The following WWTR1 variants were observed in gnomAD, a reference collection of about 807,000 sequenced individuals.
WWTR1 encodes WW domain containing transcription regulator 1, also known as WW domain-containing transcription regulator protein 1.
WWTR1 carries 13 observed loss-of-function variants against 40.1 expected under a neutral mutation model. The ratio of observed to expected loss-of-function variants is 0.32; its 90% CI spans 0.21 to 0.52. WWTR1 has a LOEUF of 0.52. Ranked by LOEUF, WWTR1 falls within the 20% of genes least tolerant of loss-of-function variation. WWTR1 has a pLI of 0.97. For synonymous variants in WWTR1, 230 were observed against 210.1 expected (o/e 1.09, Z -0.82); for missense variants, 436 against 523.1 (o/e 0.83, Z 1.63).
chr3:149,589,900 T>A (rs1738617297), intron 2 of WWTR1, among the ~76,000 whole-genome samples: 1 of 152,354 alleles, frequency 6.6e-6, no homozygotes, highest in East Asian at 1.9e-4. Context: ...ACATCATATA[T>A]GTTTTTATCT....
At chr3:149,647,950 C>A (rs925173075) in intron 2 of WWTR1, among the ~76,000 whole-genome samples, 1 of 152,202 alleles carries the variant, frequency 6.6e-6, no homozygotes, top group Non-Finnish European at 1.5e-5. Flanking sequence ...CCAACCAACA[C>A]CTATCTTTTA....
chr3:149,691,602 G>A (rs939768364), intron 1 of WWTR1, among the ~76,000 whole-genome samples: 3 of 151,476 alleles, frequency 2.0e-5, no homozygotes, highest in Non-Finnish European at 4.4e-5. Context: ...TACCAAGATG[G>A]AACCACAAAG....
intron 4 of WWTR1, among the ~76,000 whole-genome samples, chr3:149,721,061 A>C (rs1715747520): frequency 2.6e-5 from 4 of 152,168 alleles, no homozygotes; most frequent in Admixed American, 2.6e-4. Context: ...ATCTGCAAAC[A>C]GGGATATTTT....
chr3:149,697,183 C>A (rs1715021896), intron 1 of WWTR1, among the ~76,000 whole-genome samples: 1 of 151,650 alleles, frequency 6.6e-6, no homozygotes, highest in Admixed American at 6.6e-5. Flanking sequence ...ACAGGCTGTA[C>A]AAGCATGGCA....
At chr3:149,576,059 A>G (rs1560068106) in intron 2 of WWTR1, 1 of 456,634 alleles carries the variant, frequency 2.2e-6, no homozygotes, top group Admixed American at 2.3e-5. Context: ...CTGGAGTACA[A>G]GAGGGAGCCT....
intron 3 of WWTR1, among the ~76,000 whole-genome samples, chr3:149,553,049 A>C (rs1736678195): frequency 6.6e-6 from 1 of 152,240 alleles, no homozygotes; most frequent in Non-Finnish European, 1.5e-5. Flanking sequence ...GCTTCTGCTC[A>C]CATCCCCCTG....
chr3:149,674,168 C>T (rs1375535730), intron 1 of WWTR1, among the ~76,000 whole-genome samples: 3 of 151,846 alleles, frequency 2.0e-5, no homozygotes, highest in Admixed American at 2.0e-4. Context: ...AGCAGTGAGC[C>T]ATGATCATGC....
chr3:149,521,499 C>T (rs1165068400), intron 6 of WWTR1, among the ~76,000 whole-genome samples: 2 of 152,186 alleles, frequency 1.3e-5, no homozygotes, highest in African/African-American at 2.4e-5. Context: ...TTCTGTAATA[C>T]CTACACCCTA....
chr3:149,596,800 A>G (rs144669713), intron 2 of WWTR1, among the ~76,000 whole-genome samples: 1 of 152,346 alleles, frequency 6.6e-6, no homozygotes, highest in East Asian at 1.9e-4. Context: ...TTCTACATCT[A>G]TACAGTGGAG....
At chr3:149,539,246 C>G (rs1303473584) in intron 4 of WWTR1, among the ~76,000 whole-genome samples, 2 of 152,170 alleles carry the variant, frequency 1.3e-5, no homozygotes, top group Non-Finnish European at 1.5e-5. Flanking sequence ...ATTTATATAG[C>G]ATATTCTCCA....
At chr3:149,523,402 C>T (rs1735153271) in intron 6 of WWTR1, among the ~76,000 whole-genome samples, 1 of 152,136 alleles carries the variant, frequency 6.6e-6, no homozygotes, top group Non-Finnish European at 1.5e-5. Flanking sequence ...GCATGTGCCA[C>T]CACGCCCAGC....
intron 2 of WWTR1, among the ~76,000 whole-genome samples, chr3:149,625,854 T>C (rs1335559447): frequency 6.6e-6 from 1 of 151,516 alleles, no homozygotes; most frequent in Non-Finnish European, 1.5e-5. Flanking sequence ...GGAAACAAGT[T>C]GTTCTATGCA....
intron 2 of WWTR1, among the ~76,000 whole-genome samples, chr3:149,607,885 T>C (rs948761867): frequency 6.6e-6 from 1 of 152,162 alleles, no homozygotes; most frequent in Non-Finnish European, 1.5e-5. Flanking sequence ...GAAAAATAAG[T>C]AATGAATAAG....
In WWTR1 at chr3:149,593,500, C is replaced by T. The variant is rs578138642; in HGVS notation, c.432-20500G>A. Reference sequence around the variant, plus strand: ...TGAGAATTACTAATTAAAATAATTTCCTTCAGTGAAAAGGGTTGCTCTTTT... The same window carrying T: ...TGAGAATTACTAATTAAAATAATTTTCTTCAGTGAAAAGGGTTGCTCTTTT... On this transcript the variant is annotated intron_variant, in intron 2 of 6. Coordinates refer to ENST00000360632, the MANE Select transcript of WWTR1 (RefSeq NM_015472.6). 8.5e-5 allele frequency among the ~76,000 whole-genome samples: 13 copies of T among 152,056 alleles called. No individual in the cohort carries two copies. In the South Asian group the frequency reaches 2.7e-3, roughly 32 times the overall value.
chr3:149,527,301 C>A (rs1735366294), intron 5 of WWTR1, among the ~76,000 whole-genome samples: 1 of 152,076 alleles, frequency 6.6e-6, no homozygotes, highest in Non-Finnish European at 1.5e-5. Context: ...GCATGCACCA[C>A]CATGCCCTGC....
chr3:149,521,032 G>C, intron 6 of WWTR1, 43 bp from the exon 7 acceptor site: 1 of 1,529,658 alleles, frequency 6.5e-7, no homozygotes, highest in Non-Finnish European at 8.8e-7. Context: ...CCTTCTTTTA[G>C]GCTCTTGAAG....
chr3:149,686,950 T>C (rs530650956), intron 1 of WWTR1, among the ~76,000 whole-genome samples: 10 of 152,174 alleles, frequency 6.6e-5, no homozygotes, highest in Non-Finnish European at 1.3e-4. Context: ...TTTACCTATA[T>C]ACTCTGTCGT....
chr3:149,693,237 A>T (rs1714880153), intron 1 of WWTR1, among the ~76,000 whole-genome samples: 1 of 152,224 alleles, frequency 6.6e-6, no homozygotes, highest in Non-Finnish European at 1.5e-5. Flanking sequence ...TACAATAACT[A>T]TAAATAAAAT....
At chr3:149,658,271 T>G (rs6799753), upstream of WWTR1, 152,102 of 152,756 alleles carry the variant, frequency 1, 75,730 homozygotes, top group East Asian at 1. Flanking sequence ...CCTCTCCCGC[T>G]CAGACCTGCA....
Sources: allele counts gnomAD v4.1 joint callset (sites outside exome capture counted in the v4.1 genomes callset), GRCh38; gene constraint gnomAD v4.1.1; transcripts MANE v1.5; gene names NCBI Gene and HGNC (gene_info 2026-07-23, HGNC 2026-07-21).